Variants in DNTTIP1 observed in about 807,000 individuals in gnomAD.
The protein encoded by DNTTIP1 is deoxynucleotidyltransferase terminal interacting protein 1, also known as deoxynucleotidyltransferase terminal-interacting protein 1.
Under a neutral mutation model 52.9 loss-of-function variants are expected in DNTTIP1, and 22 were observed. The ratio of observed to expected loss-of-function variants is 0.42; its 90% CI spans 0.30 to 0.59. DNTTIP1 has a LOEUF of 0.59. Ranked by LOEUF, DNTTIP1 falls within the 20% of genes least tolerant of loss-of-function variation. DNTTIP1 has a pLI of 0.22. For missense variants in DNTTIP1, 286 were observed against 435.5 expected, an observed-to-expected ratio of 0.66 and a Z score of 3.06; for synonymous variants, 136 against 155.1, an observed-to-expected ratio of 0.88 and a Z score of 0.92.
Position 45,810,942 on chromosome 20 carries a change from T to TA in DNTTIP1, c.851+6dup. The stretch of plus-strand genomic sequence containing the variant: ...CCTTGCGGCCAGTGATGATTACAGG[T>TA]AAAACCAGTGGGTCTCCTGCCCCTT... On this transcript the variant is annotated splice_region_variant and intron_variant, in intron 12 of 12. Coordinates refer to ENST00000372622, the MANE Select transcript of DNTTIP1 (RefSeq NM_052951.3). 1 of 1,614,144 alleles carries TA rather than the reference T, an allele frequency of 6.2e-7. No homozygotes were observed. Among genetic ancestry groups the TA allele is most frequent in the Non-Finnish European group, 8.5e-7 (1 of 1,180,014 alleles).
In DNTTIP1 at chr20:45,809,079, C is replaced by T. The variant is rs1251083715; in HGVS notation, c.724-35C>T. The T allele has an allele frequency of 3.8e-6, 6 of 1,593,164 alleles. No homozygotes were observed. In the South Asian group the frequency reaches 4.4e-5, roughly 12 times the overall value. ...GACCAAATGAGAAAAGCCCCTTACC[C>T]GAGGCTAATTTTCTTACAACTTCAT... On this transcript the variant is annotated intron_variant, in intron 10 of 12. Coordinates refer to ENST00000372622, the MANE Select transcript of DNTTIP1 (RefSeq NM_052951.3). The surrounding 1 kb of genome is among the most constrained non-coding windows in gnomAD (Gnocchi z 4.2).
intron 10 of DNTTIP1, among the ~76,000 whole-genome samples, chr20:45,807,643 A>G (rs749511521): frequency 6.6e-6 from 1 of 152,170 alleles, no homozygotes; most frequent in South Asian, 2.1e-4. Flanking sequence ...AGGAGGTAGT[A>G]GAGAGCAAAA....
Position 45,811,245 on chromosome 20 carries a change from C to T in DNTTIP1, c.*50C>T. On this transcript the variant is annotated 3_prime_UTR_variant, in exon 13 of 13. Transcript: ENST00000372622. ...GCAGCCCTCCTCCAAAGCCCTCTTC[C>T]TCACGTGGCTGAGGCCACCGCTGGG... 1 of 1,557,298 alleles carries T rather than the reference C, an allele frequency of 6.4e-7. No individual in the cohort carries two copies. Among genetic ancestry groups the T allele is most frequent in the Non-Finnish European group, 8.7e-7 (1 of 1,156,032 alleles).
rs1232902521 is a variant in DNTTIP1 at position 45,805,131 on chromosome 20, C to G, written c.604-15C>G. ...TTAAACTTCACCCTCACGAGCTTCT[C>G]TATTTTTTGCACAGTGGGACCCAGC... On this transcript the variant is annotated splice_polypyrimidine_tract_variant and intron_variant, in intron 8 of 12. Transcript: ENST00000372622. 3 of 1,613,708 alleles carry G rather than the reference C, an allele frequency of 1.9e-6. No homozygotes were observed. The African/African-American group carries it at 4.0e-5, about 22-fold the overall frequency.
At chr20:45,793,810 T>C (rs1601023880) in intron 2 of DNTTIP1, 111 bp from the exon 3 acceptor site, 1 of 552,608 alleles carries the variant, frequency 1.8e-6, no homozygotes, top group East Asian at 3.1e-5. Context: ...TAGTTTTCAA[T>C]AAAAGCTGTC....
chr20:45,796,061 G>A (rs2145698417), intron 4 of DNTTIP1, among the ~76,000 whole-genome samples: 1 of 152,320 alleles, frequency 6.6e-6, no homozygotes, highest in East Asian at 1.9e-4. Flanking sequence ...AGAGTAGAAT[G>A]GCAGTAGCTG....
intron 10 of DNTTIP1, among the ~76,000 whole-genome samples, chr20:45,808,762 T>TA (rs1200720045): frequency 2.0e-5 from 3 of 152,246 alleles, no homozygotes; most frequent in African/African-American, 7.2e-5. Context: ...GATTTTTGTT[T>TA]TATTATGGTC....
chr20:45,792,496 A>G (rs1221074225), intron 1 of DNTTIP1, 181 bp from the exon 2 acceptor site: 5 of 504,978 alleles, frequency 9.9e-6, no homozygotes, highest in Non-Finnish European at 1.8e-5. Flanking sequence ...AAGGCAGGAA[A>G]CTTCCTCAGT....
At position 45,792,740 on chromosome 20, in the gene DNTTIP1, A is replaced by T. The variant is rs1314710403; in HGVS notation, c.169A>T (p.Thr57Ser). 1 of 1,611,898 alleles carries T rather than the reference A, an allele frequency of 6.2e-7. No individual in the cohort carries two copies. Among genetic ancestry groups the T allele is most frequent in the East Asian group, 2.2e-5 (1 of 44,810 alleles). ...VQRRGRRSQM[T>S]TSFTDPAISM... ...GCGGAGGGGCCGCCGCTCACAGATG[A>T]CAACAAGGTAAGGCTGGCCCTGCAT... Residue 57 changes from threonine (T) to serine (S), a missense_variant, in exon 2 of 13, where the codon ACA (threonine) becomes TCA (serine). By Grantham distance (58) the Thr-to-Ser change is moderately conservative. This residue lies in a region of DNTTIP1 where 208 missense variants were observed against 266.5 expected (regional missense o/e 0.78). Coordinates refer to ENST00000372622, the MANE Select transcript of DNTTIP1 (RefSeq NM_052951.3).
At chr20:45,801,303 G>T in intron 5 of DNTTIP1, 99 bp from the exon 6 acceptor site, 3 of 1,468,804 alleles carry the variant, frequency 2.0e-6, no homozygotes, top group Admixed American at 3.4e-5. Flanking sequence ...GTCAGAGCGG[G>T]GCTGGAGAGC....
intron 2 of DNTTIP1, 99 bp downstream of exon 2, chr20:45,792,846 A>G (rs1233946685): frequency 9.2e-7 from 1 of 1,084,646 alleles, no homozygotes. Context: ...TACAGCCGGT[A>G]GAAAGAGCAC....
At chr20:45,808,656 C>CG (rs1981727311) in intron 10 of DNTTIP1, among the ~76,000 whole-genome samples, 1 of 152,108 alleles carries the variant, frequency 6.6e-6, no homozygotes, top group South Asian at 2.1e-4. Context: ...ATCAATCAAT[C>CG]AATCAATCAA....
intron 4 of DNTTIP1, among the ~76,000 whole-genome samples, chr20:45,800,115 A>T (rs968995660): frequency 1.9e-4 from 28 of 150,914 alleles, no homozygotes; most frequent in Admixed American, 6.6e-4. Context: ...GCAAGATTCC[A>T]TGTCAAAAAA....
In DNTTIP1 at chr20:45,803,516, C is replaced by G. The variant is rs570169702; in HGVS notation, c.603+138C>G. 171 of 863,542 alleles carry G rather than the reference C, an allele frequency of 2.0e-4. No homozygotes were observed. In the Middle Eastern group the frequency reaches 2.5e-3, roughly 13 times the overall value. The allele number at this position is 863,542 out of a possible 1,614,324, so 53.5% of individuals were successfully genotyped here. On this transcript the variant is annotated intron_variant, in intron 8 of 12. Coordinates refer to ENST00000372622, the MANE Select transcript of DNTTIP1 (RefSeq NM_052951.3). ...CAGAGCCATCTGCCCCTCTCCACCTCCAGCCACACTGGCCTCAGAGAGGAT... is the reference window on the plus strand; with the variant it reads ...CAGAGCCATCTGCCCCTCTCCACCTGCAGCCACACTGGCCTCAGAGAGGAT...
At chr20:45,792,941 C>T (rs763972362) in intron 2 of DNTTIP1, among the ~76,000 whole-genome samples, 194 bp downstream of exon 2, 1 of 152,164 alleles carries the variant, frequency 6.6e-6, no homozygotes, top group Non-Finnish European at 1.5e-5. Context: ...AACTCACGTA[C>T]AAAATGGGGA....
chr20:45,800,992 TC>T (rs1981447690), intron 4 of DNTTIP1, 81 bp from the exon 5 acceptor site: 1 of 1,155,236 alleles, frequency 8.7e-7, no homozygotes, highest in Non-Finnish European at 1.3e-6. Context: ...AGACTCTGTC[TC>T]CAAAAAAAAA....
Position 45,795,356 on chromosome 20 carries a change from G to A in DNTTIP1, c.285G>A (p.Lys95=), listed in dbSNP as rs1304962163. The change falls in exon 4 of 13, where the codon AAG becomes AAA. Residue 95 remains lysine, a synonymous_variant. Transcript: ENST00000372622. ...TTGTGCTCCCCTAGTTCTTCCAGAAGGCAGCACTGAACGTGCGAGACAATG... is the reference window on the plus strand; with the variant it reads ...TTGTGCTCCCCTAGTTCTTCCAGAAAGCAGCACTGAACGTGCGAGACAATG... ...VFNKYMKFFQ[K]AALNVRDNVG... 6.2e-7 allele frequency: 1 copy of A among 1,609,000 alleles called. No homozygotes were observed. The highest frequency in any genetic ancestry group is 1.1e-5 in the South Asian group (1 of 90,074).
intron 10 of DNTTIP1, among the ~76,000 whole-genome samples, chr20:45,806,365 A>AAAAAAAG (rs1568709539): frequency 6.6e-6 from 1 of 151,818 alleles, no homozygotes; most frequent in African/African-American, 2.4e-5. Context: ...CAAAAAAAAA[A>AAAAAAAG]AAATAGAGTT....
chr20:45,805,012 C>G (rs1981585857), intron 8 of DNTTIP1, 134 bp from the exon 9 acceptor site: 1 of 789,100 alleles, frequency 1.3e-6, no homozygotes, highest in Admixed American at 1.8e-5. Context: ...ATTGTGAGTA[C>G]TCAGTGTCTT....
Sources: gnomAD v4.1 joint callset for allele counts (sites outside exome capture counted in the v4.1 genomes callset) on GRCh38, gnomAD v4.1.1 for gene constraint, gnomAD v4.1.1 regional missense constraint, Gnocchi (gnomAD v3.1) non-coding constraint, MANE v1.5 for transcripts, NCBI Gene and HGNC (gene_info 2026-07-23, HGNC 2026-07-21) for gene names.